AZIN2: variants seen among roughly 807,000 people sequenced by gnomAD.
AZIN2 encodes ODC antizyme inhibitor-2.
In AZIN2, 28 loss-of-function variants were observed where a neutral mutation model predicts 47.8. That is an observed-to-expected ratio of 0.59 (90% confidence interval 0.43 to 0.80). The LOEUF is 0.80. AZIN2 is among the 30% of genes least tolerant of loss of function. The pLI is 0.00. For synonymous variants in AZIN2, 221 were observed against 239.4 expected (o/e 0.92, Z 0.71); for missense variants, 535 against 582.5 (o/e 0.92, Z 0.84).
the AZIN2 span, among the ~76,000 whole-genome samples, chr1:33,139,416 G>T: frequency 6.6e-6 from 1 of 152,332 alleles, no homozygotes; most frequent in East Asian, 1.9e-4. Flanking sequence ...AGATGCTCAT[G>T]CCTAGTGGCA....
rs531334147 is a variant in AZIN2 at position 33,095,302 on chromosome 1, C to T, written c.753+589C>T. Among the ~76,000 whole-genome samples the T allele has an allele frequency of 3.9e-5, 6 of 152,332 alleles. No homozygotes were observed. The East Asian group carries it at 1.2e-3, about 29-fold the overall frequency. ...AGAATTTGCCTCAAAGATGACTGTT[C>T]TAGCTTTGTTCCTAACAGAAGTCCA... is the stretch of plus-strand genomic sequence containing the variant. On this transcript the variant is annotated intron_variant, in intron 8 of 11. Transcript: ENST00000294517.
the AZIN2 span, among the ~76,000 whole-genome samples, chr1:33,154,031 G>A: frequency 1.3e-5 from 2 of 152,194 alleles, no homozygotes; most frequent in Admixed American, 1.3e-4. Context: ...AAACTAAGAT[G>A]CCAAGGAGAG....
chr1:33,132,556 C>T, the AZIN2 span, among the ~76,000 whole-genome samples: 5 of 152,206 alleles, frequency 3.3e-5, no homozygotes, highest in African/African-American at 1.2e-4. Flanking sequence ...GTTCAGATGC[C>T]ACTTCTTGGA....
the AZIN2 span, among the ~76,000 whole-genome samples, chr1:33,156,257 A>T: frequency 6.6e-6 from 1 of 152,200 alleles, no homozygotes; most frequent in Non-Finnish European, 1.5e-5. Context: ...CAGCACTGCC[A>T]CACTCTCTCT....
At chr1:33,143,170 G>A in the AZIN2 span, 1 of 152,160 alleles carries the variant, frequency 6.6e-6, no homozygotes, top group Non-Finnish European at 1.5e-5. Flanking sequence ...CTCTGGACGT[G>A]TATCAAATAT....
Position 33,117,893 on chromosome 1 carries a change from T to A in AZIN2, c.1030-9T>A. The stretch of plus-strand genomic sequence containing the variant: ...GGAGAGCTGGCATGGCCATCCCTTC[T>A]TCCTACAGAAACCATCCACGGAGCA... On this transcript the variant is annotated splice_polypyrimidine_tract_variant and intron_variant, in intron 10 of 11. Coordinates refer to ENST00000294517, the MANE Select transcript of AZIN2 (RefSeq NM_052998.4). The A allele has an allele frequency of 6.2e-7, 1 of 1,614,182 alleles. No individual in the cohort carries two copies. The highest frequency in any genetic ancestry group is 8.5e-7 in the Non-Finnish European group (1 of 1,179,996).
At chr1:33,125,015 T>C (rs1396511214), downstream of AZIN2, among the ~76,000 whole-genome samples, 2 of 152,248 alleles carry the variant, frequency 1.3e-5, no homozygotes, top group African/African-American at 2.4e-5. Flanking sequence ...GCATGATTTA[T>C]AATCCTTTGG....
intron 5 of AZIN2, among the ~76,000 whole-genome samples, chr1:33,088,969 A>T (rs937057613): frequency 1.3e-5 from 2 of 152,052 alleles, no homozygotes; most frequent in Non-Finnish European, 2.9e-5. Context: ...GGTCTCAGAG[A>T]CCCTATGTGC....
the AZIN2 span, chr1:33,142,162 A>C: frequency 6.6e-6 from 1 of 152,214 alleles, no homozygotes; most frequent in Non-Finnish European, 1.5e-5. Context: ...AGCCTGTGAT[A>C]CCGGGCCTTT....
downstream of AZIN2, among the ~76,000 whole-genome samples, chr1:33,123,596 G>A (rs1463393560): frequency 6.6e-6 from 1 of 152,240 alleles, no homozygotes; most frequent in African/African-American, 2.4e-5. Context: ...CAGCTGTGGT[G>A]GCTCATGCCT....
chr1:33,082,047 CCTTG>C (rs1342151248), intron 3 of AZIN2, 127 bp from the exon 4 acceptor site: 3 of 593,640 alleles, frequency 5.1e-6, no homozygotes, highest in Non-Finnish European at 9.1e-6. Context: ...CTTTCTCCAC[CCTTG>C]CCCAGTGAAC....
Position 33,120,212 on chromosome 1 carries a change from G to A in AZIN2, c.*30G>A, listed in dbSNP as rs1392188691. The A allele has an allele frequency of 6.3e-7, 1 of 1,576,642 alleles. No homozygotes were observed. Among genetic ancestry groups the A allele is most frequent in the African/African-American group, 1.3e-5 (1 of 74,340 alleles). ...GCCTCGTTCCCCCCGGAGAATCCCA[G>A]CGGGGCCTCAGAGATGCATCTGGGA... On this transcript the variant is annotated 3_prime_UTR_variant, in exon 12 of 12. Transcript: ENST00000294517.
chr1:33,093,823 C>G (rs988317470), intron 7 of AZIN2, among the ~76,000 whole-genome samples: 3 of 151,696 alleles, frequency 2.0e-5, no homozygotes, highest in Non-Finnish European at 4.4e-5. Context: ...CTTGAGCTCC[C>G]AGGCTCAAGC....
intron 10 of AZIN2, among the ~76,000 whole-genome samples, chr1:33,108,921 A>G (rs1410577762): frequency 6.6e-6 from 1 of 152,206 alleles, no homozygotes; most frequent in African/African-American, 2.4e-5. Context: ...TGGTAAGAAT[A>G]TGTTTAGTTT....
At chr1:33,124,601 A>T (rs1318508350), downstream of AZIN2, among the ~76,000 whole-genome samples, 2 of 152,070 alleles carry the variant, frequency 1.3e-5, no homozygotes, top group Non-Finnish European at 2.9e-5. This position sits in a 1 kb window ranked among gnomAD's most constrained non-coding sequence, Gnocchi z 4.6. Context: ...TACATGTGCC[A>T]TGTTGGTGTG....
At chr1:33,083,734 C>T (rs1031823593) in intron 4 of AZIN2, 17 of 580,836 alleles carry the variant, frequency 2.9e-5, no homozygotes, top group South Asian at 2.8e-4. Flanking sequence ...GAGTTTTAGC[C>T]GCATTGAGGG....
At chr1:33,159,810 C>T in the AZIN2 span, 1 of 1,613,924 alleles carries the variant, frequency 6.2e-7, no homozygotes, top group Non-Finnish European at 8.5e-7. This position sits in a 1 kb window ranked among gnomAD's most constrained non-coding sequence, Gnocchi z 4.2. Context: ...GCTGGACTTT[C>T]TGCTCGATGT....
intron 10 of AZIN2, 82 bp from the exon 11 acceptor site, chr1:33,117,820 C>A (rs1644621652): frequency 1.4e-6 from 2 of 1,461,518 alleles, no homozygotes; most frequent in Non-Finnish European, 1.9e-6. Flanking sequence ...GCTATGGGAG[C>A]CATAGAAGGC....
At chr1:33,100,555 A>G (rs1643600154) in intron 10 of AZIN2, among the ~76,000 whole-genome samples, 1 of 149,890 alleles carries the variant, frequency 6.7e-6, no homozygotes, top group Non-Finnish European at 1.5e-5. Flanking sequence ...GTCCTGTTGG[A>G]TAGAAACACG....
Sources: allele counts gnomAD v4.1 joint callset (sites outside exome capture counted in the v4.1 genomes callset), GRCh38; gene constraint gnomAD v4.1.1; non-coding constraint Gnocchi (gnomAD v3.1); transcripts MANE v1.5; gene names NCBI Gene and HGNC (gene_info 2026-07-23, HGNC 2026-07-21).